Variants in HECW2 observed in about 807,000 individuals in gnomAD.
HECW2 encodes HECT, C2 and WW domain containing E3 ubiquitin protein ligase 2.
Under a neutral mutation model 175.2 loss-of-function variants are expected in HECW2, and 61 were observed. That is an observed-to-expected ratio of 0.35 (90% CI 0.28 to 0.43). The LOEUF is 0.43. Among genes scored for constraint, HECW2 ranks in the 20% least tolerant of loss-of-function variants. The pLI is 1.00. For missense variants in HECW2, 1,524 were observed against 2,000.5 expected, an observed-to-expected ratio of 0.76 and a Z score of 4.54; for synonymous variants, 671 against 731.0, an observed-to-expected ratio of 0.92 and a Z score of 1.32.
intron 1 of HECW2, among the ~76,000 whole-genome samples, chr2:196,526,678 G>C (rs1688662517): frequency 6.9e-6 from 1 of 145,762 alleles, no homozygotes; most frequent in Non-Finnish European, 1.5e-5. Context: ...CTTTCTGTTT[G>C]TTAGTTTTCC....
intron 3 of HECW2, among the ~76,000 whole-genome samples, chr2:196,337,032 G>A (rs574411762): frequency 6.6e-6 from 1 of 152,162 alleles, no homozygotes; most frequent in East Asian, 1.9e-4. Flanking sequence ...GAAGATTCCT[G>A]CCCCTAAAAA....
chr2:196,310,253 C>G (rs1202404306), intron 10 of HECW2, among the ~76,000 whole-genome samples: 2 of 152,166 alleles, frequency 1.3e-5, no homozygotes, highest in African/African-American at 4.8e-5. Flanking sequence ...AATTTGCTTT[C>G]TAAGGTCATG....
chr2:196,238,086 G>A (rs1272122764), intron 21 of HECW2, among the ~76,000 whole-genome samples: 2 of 152,184 alleles, frequency 1.3e-5, no homozygotes, highest in Admixed American at 6.5e-5. Context: ...CAAATTAGCT[G>A]GGCGTGGTGG....
intron 1 of HECW2, among the ~76,000 whole-genome samples, chr2:196,528,965 C>G (rs1688757735): frequency 6.6e-6 from 1 of 152,208 alleles, no homozygotes; most frequent in Admixed American, 6.5e-5. Flanking sequence ...TGGGGTTACC[C>G]AGAACCAGGA....
At chr2:196,469,120 CGTGT>C (rs33984882) in intron 1 of HECW2, among the ~76,000 whole-genome samples, 3,573 of 144,786 alleles carry the variant, frequency 0.025, 47 homozygotes, top group Middle Eastern at 0.083. Flanking sequence ...TGTGTGTGTG[CGTGT>C]GTGTGTGTGT....
chr2:196,361,551 C>T (rs1693587835), intron 2 of HECW2, among the ~76,000 whole-genome samples: 1 of 152,074 alleles, frequency 6.6e-6, no homozygotes, highest in African/African-American at 2.4e-5. Context: ...ACAAGCAGAA[C>T]CCTAAAAATT....
chr2:196,257,194 G>C (rs761132939), intron 18 of HECW2, among the ~76,000 whole-genome samples: 27 of 151,924 alleles, frequency 1.8e-4, no homozygotes, highest in Non-Finnish European at 2.9e-4. Flanking sequence ...ATAAAAAAAT[G>C]AGAAAGTCTT....
chr2:196,382,500 T>A (rs1037112659), intron 2 of HECW2, among the ~76,000 whole-genome samples: 1 of 152,070 alleles, frequency 6.6e-6, no homozygotes, highest in African/African-American at 2.4e-5. Flanking sequence ...AACATTATCT[T>A]ACAGTTTTTT....
intron 2 of HECW2, among the ~76,000 whole-genome samples, chr2:196,359,005 C>G (rs890585416): frequency 2.0e-5 from 3 of 152,144 alleles, no homozygotes; most frequent in African/African-American, 7.2e-5. Context: ...GATGGAGGTG[C>G]CCTCATCTCC....
At position 196,593,553 on chromosome 2, in the gene HECW2, C is replaced by A. The variant is rs1364223823; in HGVS notation, c.-81G>T. On this transcript the variant is annotated 5_prime_UTR_variant, in exon 1 of 29. Transcript: ENST00000644978. ...TTCCCGCTAGACGCTTCGGCGGCATCTGCCCGCACCGCCCTGCGGGACGCT... is the reference window on the plus strand; with the variant it reads ...TTCCCGCTAGACGCTTCGGCGGCATATGCCCGCACCGCCCTGCGGGACGCT... 6.6e-6 allele frequency: 1 copy of A among 152,452 alleles called. No individual in the cohort carries two copies. Among genetic ancestry groups the A allele is most frequent in the Non-Finnish European group, 1.5e-5 (1 of 68,238 alleles). The allele number at this position is 152,452 out of a possible 1,614,324, so 9.4% of individuals were successfully genotyped here.
At chr2:196,282,512 G>A (rs1263839162) in intron 14 of HECW2, among the ~76,000 whole-genome samples, 1 of 152,046 alleles carries the variant, frequency 6.6e-6, no homozygotes. Context: ...CAAGATATAT[G>A]TTAGTTCAGT....
chr2:196,329,793 G>A, intron 4 of HECW2, 143 bp from the exon 5 acceptor site: 25 of 582,030 alleles, frequency 4.3e-5, no homozygotes, highest in East Asian at 5.7e-5. Flanking sequence ...TCCCAATCTT[G>A]GAACAGAGAC....
At chr2:196,471,138 C>CT (rs1297879580) in intron 1 of HECW2, among the ~76,000 whole-genome samples, 1 of 152,038 alleles carries the variant, frequency 6.6e-6, no homozygotes, top group Non-Finnish European at 1.5e-5. Flanking sequence ...TTTAGCAATT[C>CT]TACTCCTAAG....
At chr2:196,590,155 T>C (rs1691134002) in intron 1 of HECW2, among the ~76,000 whole-genome samples, 1 of 152,152 alleles carries the variant, frequency 6.6e-6, no homozygotes, top group Non-Finnish European at 1.5e-5. Context: ...GACCAGATAA[T>C]TATCACCCAA....
At chr2:196,286,872 T>C (rs1390949002) in intron 14 of HECW2, among the ~76,000 whole-genome samples, 1 of 152,172 alleles carries the variant, frequency 6.6e-6, no homozygotes, top group Admixed American at 6.5e-5. Flanking sequence ...TAAGAGACTT[T>C]TGAAATTATA....
chr2:196,567,395 G>C (rs1286110027), intron 1 of HECW2, among the ~76,000 whole-genome samples: 1 of 152,224 alleles, frequency 6.6e-6, no homozygotes, highest in Non-Finnish European at 1.5e-5. Flanking sequence ...GGTGCCAGAA[G>C]TGGTGTGCTG....
intron 28 of HECW2, among the ~76,000 whole-genome samples, chr2:196,213,146 A>G (rs761939038): frequency 3.3e-5 from 5 of 152,244 alleles, no homozygotes; most frequent in African/African-American, 4.8e-5. Context: ...AATGTTGTCA[A>G]TGAAGAAGTT....
chr2:196,281,215 T>C (rs1690170475), intron 14 of HECW2, among the ~76,000 whole-genome samples: 1 of 148,842 alleles, frequency 6.7e-6, no homozygotes, highest in African/African-American at 2.5e-5. Flanking sequence ...AGTCACTCTG[T>C]TATCCCCAAT....
intron 28 of HECW2, among the ~76,000 whole-genome samples, chr2:196,211,229 A>G (rs979529078): frequency 6.6e-6 from 1 of 152,102 alleles, no homozygotes; most frequent in Non-Finnish European, 1.5e-5. Flanking sequence ...AGAAACTCAC[A>G]CCATGGTGGG....
Sources: allele counts gnomAD v4.1 joint callset (sites outside exome capture counted in the v4.1 genomes callset), GRCh38; gene constraint gnomAD v4.1.1; transcripts MANE v1.5; gene names NCBI Gene and HGNC (gene_info 2026-07-23, HGNC 2026-07-21).